Variants in RGS17 observed in about 807,000 individuals in gnomAD.
RGS17 encodes the protein regulator of G-protein signaling 17.
A neutral mutation model predicts 25.5 loss-of-function variants in RGS17; 12 were observed. That is an observed-to-expected ratio of 0.47 (90% CI 0.30 to 0.76). The LOEUF is 0.76. Ranked by LOEUF, RGS17 falls within the 30% of genes least tolerant of loss-of-function variation. The pLI, the probability that RGS17 is intolerant of heterozygous loss-of-function variation, is 0.07. For synonymous variants in RGS17, 71 were observed against 76.9 expected, an observed-to-expected ratio of 0.92 and a Z score of 0.40; for missense variants, 196 against 242.2, an observed-to-expected ratio of 0.81 and a Z score of 1.27.
At chr6:153,066,715 A>G (rs1776712641) in intron 1 of RGS17, among the ~76,000 whole-genome samples, 1 of 152,206 alleles carries the variant, frequency 6.6e-6, no homozygotes, top group Non-Finnish European at 1.5e-5. Context: ...TCAATGTGAT[A>G]TATCACATCA....
At chr6:153,083,595 G>C (rs1562329464) in intron 1 of RGS17, among the ~76,000 whole-genome samples, 1 of 152,102 alleles carries the variant, frequency 6.6e-6, no homozygotes, top group Non-Finnish European at 1.5e-5. Context: ...TTAACTTTTG[G>C]ACAATATTTA....
intron 2 of RGS17, among the ~76,000 whole-genome samples, chr6:153,026,871 TACAC>T (rs554578683): frequency 1.3e-5 from 2 of 151,964 alleles, no homozygotes; most frequent in South Asian, 2.1e-4. Context: ...TATATGTATA[TACAC>T]ACACACACAT....
intron 1 of RGS17, among the ~76,000 whole-genome samples, chr6:153,091,778 G>A (rs1286794231): frequency 6.6e-6 from 1 of 152,022 alleles, no homozygotes; most frequent in Non-Finnish European, 1.5e-5. Context: ...CTCCCAAAGT[G>A]CTAGGATTAC....
At chr6:153,021,023 G>C (rs985403882) in intron 4 of RGS17, among the ~76,000 whole-genome samples, 1 of 152,228 alleles carries the variant, frequency 6.6e-6, no homozygotes, top group Non-Finnish European at 1.5e-5. Flanking sequence ...TTCAGAGATA[G>C]AAAGCCCAGA....
chr6:153,099,231 T>C (rs988000787), intron 1 of RGS17, among the ~76,000 whole-genome samples: 2 of 152,262 alleles, frequency 1.3e-5, no homozygotes, highest in Non-Finnish European at 2.9e-5. Flanking sequence ...ATGACTTTCA[T>C]GCTTCACCTT....
At chr6:153,011,927 C>T (rs1042304960) in intron 4 of RGS17, among the ~76,000 whole-genome samples, 165 bp from the exon 5 acceptor site, 6 of 138,224 alleles carry the variant, frequency 4.3e-5, no homozygotes, top group Non-Finnish European at 7.8e-5. Flanking sequence ...GTACTTTTCT[C>T]CTTCAAAATT....
rs1489970805 is a variant in RGS17, at chr6:153,043,982, G to C, written c.37C>G (p.Pro13Ala). Reference sequence around the variant, plus strand: ...TTTCCAGGAGCTTGAGACACGGCAGGTGTTCCTTCATTTTGGGACTGCTGC... The same window carrying C: ...TTTCCAGGAGCTTGAGACACGGCAGCTGTTCCTTCATTTTGGGACTGCTGC... ...KRQQSQNEGT[P>A]AVSQAPGNQR... The change falls in exon 2 of 5, where the codon CCT (proline) becomes GCT (alanine). Residue 13 changes from proline (P) to alanine (A), a missense_variant. Pro to Ala is a conservative substitution (Grantham distance 27). Around this residue, in one of 2 missense-constraint regions of RGS17, gnomAD observed 17 missense variants for 44.7 expected, o/e 0.38. Transcript: ENST00000206262. 2 of 1,612,798 alleles carry C rather than the reference G, an allele frequency of 1.2e-6. No individual in the cohort carries two copies. The highest frequency in any genetic ancestry group is 1.7e-6 in the Non-Finnish European group (2 of 1,179,430).
intron 4 of RGS17, among the ~76,000 whole-genome samples, chr6:153,021,925 C>T (rs1462088658): frequency 2.0e-5 from 3 of 152,038 alleles, no homozygotes; most frequent in Non-Finnish European, 2.9e-5. Context: ...TAGGTGAAAA[C>T]GGCCAGGCGC....
chr6:153,118,979 T>C (rs971226343), intron 1 of RGS17, among the ~76,000 whole-genome samples: 2 of 152,188 alleles, frequency 1.3e-5, no homozygotes, highest in Admixed American at 6.5e-5. Flanking sequence ...ATCTTATGTA[T>C]GAATGTGTAC....
At position 153,130,985 on chromosome 6, in the gene RGS17, C is replaced by T. The variant is rs1156265153; in HGVS notation, c.-26+139G>A. ...CCCAGCGCCGCGCAGCCGCCCCCGCCGGGGCATGGGCGGTCGCGCTCTCCG... is the reference window on the plus strand; with the variant it reads ...CCCAGCGCCGCGCAGCCGCCCCCGCTGGGGCATGGGCGGTCGCGCTCTCCG... On this transcript the variant is annotated intron_variant, in intron 1 of 4. Transcript: ENST00000206262. This position sits in a 1 kb window ranked among gnomAD's most constrained non-coding sequence, Gnocchi z 6.4. The T allele has an allele frequency of 7.2e-6, 1 of 137,956 alleles. No homozygotes were observed. Among genetic ancestry groups the T allele is most frequent in the African/African-American group, 2.7e-5 (1 of 37,728 alleles). 8.5% of individuals were successfully genotyped at this position (137,956 alleles called of 1,614,324 possible). A position where few individuals can be genotyped will look rare whatever the true frequency, so the allele number is the denominator to read the frequency against.
At chr6:153,095,682 T>C (rs1777198769) in intron 1 of RGS17, among the ~76,000 whole-genome samples, 1 of 152,178 alleles carries the variant, frequency 6.6e-6, no homozygotes, top group Non-Finnish European at 1.5e-5. Context: ...TATTGGCAGA[T>C]TATGAGAAGT....
intron 1 of RGS17, among the ~76,000 whole-genome samples, chr6:153,082,476 A>C (rs1776999332): frequency 6.6e-6 from 1 of 151,948 alleles, no homozygotes; most frequent in Non-Finnish European, 1.5e-5. Context: ...TTTTTCCACA[A>C]TCTAATCTTT....
At chr6:153,117,267 G>C (rs1253553016) in intron 1 of RGS17, among the ~76,000 whole-genome samples, 1 of 151,894 alleles carries the variant, frequency 6.6e-6, no homozygotes, top group African/African-American at 2.4e-5. Flanking sequence ...GAAAGGGGAA[G>C]AGCCTCTTAT....
Position 153,130,037 on chromosome 6 carries a change from C to T in RGS17, c.-26+1087G>A, listed in dbSNP as rs572335259. 5.1e-4 allele frequency among the ~76,000 whole-genome samples: 77 copies of T among 152,172 alleles called. No homozygotes were observed. Among genetic ancestry groups the T allele is most frequent in the African/African-American group, 1.7e-3 (72 of 41,530 alleles). ...GGACTCCCGAGGCTGGCGCGGGCTG[C>T]CCGCGACAAGGTGCCAGCAGCCTCG... is the stretch of plus-strand genomic sequence containing the variant. On this transcript the variant is annotated intron_variant, in intron 1 of 4. Transcript: ENST00000206262. This position sits in a 1 kb window ranked among gnomAD's most constrained non-coding sequence, Gnocchi z 6.4.
chr6:153,049,915 G>A (rs1269276328), intron 1 of RGS17, among the ~76,000 whole-genome samples: 1 of 152,076 alleles, frequency 6.6e-6, no homozygotes, highest in African/African-American at 2.4e-5. Flanking sequence ...CAATAATATA[G>A]AAGTCATAAT....
At chr6:153,071,911 G>C (rs1776808311) in intron 1 of RGS17, among the ~76,000 whole-genome samples, 1 of 152,050 alleles carries the variant, frequency 6.6e-6, no homozygotes, top group East Asian at 1.9e-4. Context: ...TTATAAAATT[G>C]AGATATTAAT....
chr6:153,111,335 C>T (rs547839302), intron 1 of RGS17, among the ~76,000 whole-genome samples: 2 of 152,328 alleles, frequency 1.3e-5, no homozygotes, highest in South Asian at 4.1e-4. Flanking sequence ...GAAGTTCAAA[C>T]TGGGCTGACC....
At chr6:153,053,246 A>G (rs1776486952) in intron 1 of RGS17, among the ~76,000 whole-genome samples, 2 of 152,356 alleles carry the variant, frequency 1.3e-5, no homozygotes, top group South Asian at 4.1e-4. Flanking sequence ...AGGCAATCAC[A>G]AAACAATGTT....
intron 4 of RGS17, among the ~76,000 whole-genome samples, chr6:153,016,403 T>C (rs900845756): frequency 6.6e-6 from 1 of 152,182 alleles, no homozygotes; most frequent in Non-Finnish European, 1.5e-5. Context: ...TTGAGAAAAC[T>C]TTTTGTTTCA....
Sources: allele counts gnomAD v4.1 joint callset (sites outside exome capture counted in the v4.1 genomes callset), GRCh38; gene constraint gnomAD v4.1.1; regional missense constraint gnomAD v4.1.1; non-coding constraint Gnocchi (gnomAD v3.1); transcripts MANE v1.5; gene names NCBI Gene and HGNC (gene_info 2026-07-23, HGNC 2026-07-21).